The following PRRC2B variants were observed in gnomAD, a reference collection of about 807,000 sequenced individuals.
The protein encoded by PRRC2B is protein PRRC2B.
Under a neutral mutation model 242.3 loss-of-function variants are expected in PRRC2B, and 68 were observed. That is an observed-to-expected ratio of 0.28 (90% CI 0.23 to 0.34). The LOEUF (loss-of-function observed/expected upper bound fraction) is 0.34, where lower values mean the gene tolerates loss of function less well. Ranked by LOEUF, PRRC2B falls within the 10% of genes least tolerant of loss-of-function variation. The pLI, the probability that PRRC2B is intolerant of heterozygous loss-of-function variation, is 1.00. For synonymous variants in PRRC2B, 1,228 were observed against 1,173.6 expected (o/e 1.05, Z -0.95); for missense variants, 2,835 against 2,954.8 (o/e 0.96, Z 0.94).
intron 4 of PRRC2B, 127 bp downstream of exon 4, chr9:131,436,849 C>A: frequency 1.4e-6 from 1 of 712,272 alleles, no homozygotes. Context: ...ATTCCAGAGG[C>A]ACACCCGATG....
At chr9:131,414,400 T>G (rs2131300745) in intron 1 of PRRC2B, among the ~76,000 whole-genome samples, 1 of 26,108 alleles carries the variant, frequency 3.8e-5, no homozygotes, top group African/African-American at 7.0e-5. Context: ...TTAAACTGCA[T>G]TAAAGTTTGT....
At chr9:131,401,970 T>C (rs971670661) in intron 1 of PRRC2B, among the ~76,000 whole-genome samples, 2 of 150,880 alleles carry the variant, frequency 1.3e-5, no homozygotes, top group Non-Finnish European at 2.9e-5. Flanking sequence ...CTAATTTTTG[T>C]ATTATTGTTA....
intron 1 of PRRC2B, among the ~76,000 whole-genome samples, chr9:131,398,504 T>A (rs185243094): frequency 4.6e-4 from 70 of 152,318 alleles, no homozygotes; most frequent in African/African-American, 1.6e-3. Flanking sequence ...CGTTCTTACC[T>A]CTGCAGCCAG....
intron 1 of PRRC2B, among the ~76,000 whole-genome samples, chr9:131,376,308 C>T (rs1836683790): frequency 6.6e-6 from 1 of 150,384 alleles, no homozygotes; most frequent in Non-Finnish European, 1.5e-5. Flanking sequence ...GAGCGGAGAT[C>T]GCGCCAATGC....
At position 131,499,344 on chromosome 9, in the gene PRRC2B, G is replaced by A. The variant is rs1222845638; in HGVS notation, c.*3470G>A. ...TTGCCATTTGGTTCCCCTGTGCCAAGTAGCTGCAGGCTGCCCCTCAAATCT... is the reference window on the plus strand; with the variant it reads ...TTGCCATTTGGTTCCCCTGTGCCAAATAGCTGCAGGCTGCCCCTCAAATCT... On this transcript the variant is annotated 3_prime_UTR_variant, in exon 32 of 32. Transcript: ENST00000683519. 6.6e-6 allele frequency: 1 copy of A among 152,242 alleles called. No homozygotes were observed. Among genetic ancestry groups the A allele is most frequent in the Admixed American group, 6.5e-5 (1 of 15,286 alleles). The allele number at this position is 152,242 out of a possible 1,614,324, so 9.4% of individuals were successfully genotyped here.
chr9:131,495,588 G>A (rs1045311662), intron 31 of PRRC2B, among the ~76,000 whole-genome samples, 152 bp from the exon 32 acceptor site: 29 of 152,282 alleles, frequency 1.9e-4, no homozygotes, highest in African/African-American at 7.0e-4. Context: ...ACTAGGAGGG[G>A]GGTTTCTAAG....
At chr9:131,433,196 C>T (rs553486129) in intron 3 of PRRC2B, among the ~76,000 whole-genome samples, 29 of 152,174 alleles carry the variant, frequency 1.9e-4, no homozygotes, top group East Asian at 1.9e-4. Flanking sequence ...ATGGGTGTCC[C>T]TGTGAGCTGA....
intron 10 of PRRC2B, among the ~76,000 whole-genome samples, chr9:131,456,879 T>C (rs1943097355): frequency 1.3e-5 from 2 of 152,258 alleles, no homozygotes; most frequent in African/African-American, 4.8e-5. Context: ...AGTAAGACTT[T>C]TTCCTTTGCT....
At chr9:131,428,372 C>T (rs150545719) in intron 1 of PRRC2B, among the ~76,000 whole-genome samples, 136 of 152,164 alleles carry the variant, frequency 8.9e-4, no homozygotes, top group South Asian at 8.5e-3. Flanking sequence ...AGGTGCATGC[C>T]ACCATGCCCT....
chr9:131,392,917 C>CAA (rs11317627), upstream of PRRC2B, among the ~76,000 whole-genome samples: 57 of 91,872 alleles, frequency 6.2e-4, 1 homozygote, highest in South Asian at 5.8e-3. Flanking sequence ...GAGACTGTCT[C>CAA]AAAAAAAAAA....
rs981477999 is a variant in PRRC2B, at chr9:131,481,818, G to T, written c.4983+10G>T. The T allele has an allele frequency of 2.6e-6, 4 of 1,550,108 alleles. No individual in the cohort carries two copies. Among genetic ancestry groups the T allele is most frequent in the Non-Finnish European group, 3.5e-6 (4 of 1,149,972 alleles). On this transcript the variant is annotated intron_variant, in intron 20 of 31. Transcript: ENST00000683519. ...GACTGGCTCTGCGGAGGTGAGTGTG[G>T]CCGCTGCCCACATGCTGCCCCTGGG...
chr9:131,494,367 C>T lies in PRRC2B; in HGVS notation c.6474-38C>T, dbSNP rs375211854. ...CTTTGACTCCATTTCTGTGGTGACA[C>T]GTTGTGTATTCTCAACCCCTGCCTT... On this transcript the variant is annotated intron_variant, in intron 30 of 31. Transcript: ENST00000683519. This position sits in a 1 kb window ranked among gnomAD's most constrained non-coding sequence, Gnocchi z 4.3. The T allele has an allele frequency of 1.2e-5, 13 of 1,089,994 alleles. No individual in the cohort carries two copies. Among genetic ancestry groups the T allele is most frequent in the Non-Finnish European group, 1.6e-5 (12 of 727,684 alleles). The allele number at this position is 1,089,994 out of a possible 1,614,324, so 67.5% of individuals were successfully genotyped here.
In PRRC2B at chr9:131,483,428, G is replaced by C; in HGVS notation, c.5443G>C (p.Asp1815His). 1 of 1,613,862 alleles carries C rather than the reference G, an allele frequency of 6.2e-7. No homozygotes were observed. Among genetic ancestry groups the C allele is most frequent in the Non-Finnish European group, 8.5e-7 (1 of 1,179,872 alleles). Residue 1815 changes from aspartate (D) to histidine (H), a missense_variant, in exon 23 of 32, where the codon GAT (aspartate) becomes CAT (histidine). By Grantham distance (81) the Asp-to-His change is moderately conservative. Transcript: ENST00000683519. ...PTGSPVVKLQ[D>H]ALASNAGLTQ... The stretch of plus-strand genomic sequence containing the variant: ...TGGGAGTCCAGTTGTTAAACTTCAG[G>C]ATGCCTTGGCCAGTAATGTAAGTCC...
intron 9 of PRRC2B, among the ~76,000 whole-genome samples, chr9:131,450,932 A>G (rs562434993): frequency 6.6e-6 from 1 of 152,048 alleles, no homozygotes; most frequent in Admixed American, 6.5e-5. Flanking sequence ...GTATCTCTTT[A>G]TTAGGGCTTT....
At chr9:131,416,355 C>T (rs1415638172) in intron 1 of PRRC2B, among the ~76,000 whole-genome samples, 1 of 152,160 alleles carries the variant, frequency 6.6e-6, no homozygotes, top group Non-Finnish European at 1.5e-5. Flanking sequence ...GATCTGCCGC[C>T]TCGGCCTCCC....
At chr9:131,481,987 T>C (rs1399361321) in intron 20 of PRRC2B, among the ~76,000 whole-genome samples, 179 bp downstream of exon 20, 1 of 152,200 alleles carries the variant, frequency 6.6e-6, no homozygotes, top group Non-Finnish European at 1.5e-5. Flanking sequence ...ATTTCTGGCC[T>C]GTGCATGGGG....
At chr9:131,478,331 C>T in intron 17 of PRRC2B, 143 bp from the exon 18 acceptor site, 1 of 790,490 alleles carries the variant, frequency 1.3e-6, no homozygotes, top group African/African-American at 1.7e-5. Flanking sequence ...TGTGTTAGAT[C>T]AGAGGCGGCC....
At chr9:131,495,406 C>T (rs1055825710) in intron 31 of PRRC2B, among the ~76,000 whole-genome samples, 1 of 152,122 alleles carries the variant, frequency 6.6e-6, no homozygotes, top group Non-Finnish European at 1.5e-5. Flanking sequence ...GCAGGAGGTG[C>T]ACTGATTTGA....
At chr9:131,400,891 G>A (rs1001255186) in intron 1 of PRRC2B, among the ~76,000 whole-genome samples, 7 of 151,914 alleles carry the variant, frequency 4.6e-5, no homozygotes, top group African/African-American at 1.7e-4. Flanking sequence ...GGAGATCCTG[G>A]TCTGGTGGGG....
Sources: gnomAD v4.1 joint callset for allele counts (sites outside exome capture counted in the v4.1 genomes callset) on GRCh38, gnomAD v4.1.1 for gene constraint, Gnocchi (gnomAD v3.1) non-coding constraint, MANE v1.5 for transcripts, NCBI Gene and HGNC (gene_info 2026-07-23, HGNC 2026-07-21) for gene names.